Variants in GCN1 observed in about 807,000 individuals in gnomAD.
GCN1 encodes stalled ribosome sensor GCN1.
In GCN1, 90 loss-of-function variants were observed where a neutral mutation model predicts 288.4. The ratio of observed to expected loss-of-function variants is 0.31; its 90% CI spans 0.26 to 0.37. GCN1 has a LOEUF of 0.37. Ranked by LOEUF, GCN1 falls within the 10% of genes least tolerant of loss-of-function variation. The pLI is 1.00. For synonymous variants in GCN1, 1,386 were observed against 1,420.2 expected, an observed-to-expected ratio of 0.98 and a Z score of 0.54; for missense variants, 2,586 against 3,419.9, an observed-to-expected ratio of 0.76 and a Z score of 6.08.
chr12:120,161,747 A>C, intron 21 of GCN1, 133 bp downstream of exon 21: 1 of 980,570 alleles, frequency 1.0e-6, no homozygotes, highest in Non-Finnish European at 1.6e-6. Flanking sequence ...CGTGCCGGGG[A>C]CACAACAGGC....
In GCN1 at chr12:120,134,112, GC is replaced by G. The variant is rs967028249; in HGVS notation, c.7317+178del. ...AATAACCAATATATCCACAATACCT[GC>G]CCCGTTTCCCTTGAAACCCGAGGAA... is the stretch of plus-strand genomic sequence containing the variant. On this transcript the variant is annotated intron_variant, in intron 53 of 57. Transcript: ENST00000300648. This position sits in a 1 kb window ranked among gnomAD's most constrained non-coding sequence, Gnocchi z 5.0. Among the ~76,000 whole-genome samples, 1 of 152,130 alleles carries G rather than the reference GC, an allele frequency of 6.6e-6. No homozygotes were observed. The highest frequency in any genetic ancestry group is 2.4e-5 in the African/African-American group (1 of 41,422).
At position 120,153,703 on chromosome 12, in the gene GCN1, C is replaced by T; in HGVS notation, c.3867+41G>A. On this transcript the variant is annotated intron_variant, in intron 32 of 57. Transcript: ENST00000300648. The surrounding 1 kb of genome is among the most constrained non-coding windows in gnomAD (Gnocchi z 4.4). ...TGTCTCCTTAGCGGGCTGGGACCCC[C>T]TTACCTTCCCGTGGGTGTTCCCTGG... The T allele has an allele frequency of 6.3e-7, 1 of 1,597,412 alleles. No individual in the cohort carries two copies. Among genetic ancestry groups the T allele is most frequent in the South Asian group, 1.1e-5 (1 of 89,482 alleles).
chr12:120,168,355 G>A, intron 15 of GCN1, 55 bp from the exon 16 acceptor site: 6 of 1,057,334 alleles, frequency 5.7e-6, no homozygotes, highest in Non-Finnish European at 7.4e-6. Flanking sequence ...CCCCAGAGCT[G>A]ATCTACTCCA....
chr12:120,174,008 CTG>C (rs746725602), intron 13 of GCN1, 61 bp downstream of exon 13: 7 of 1,133,104 alleles, frequency 6.2e-6, no homozygotes, highest in Non-Finnish European at 9.3e-6. Context: ...AAAGCTCCAA[CTG>C]TGAAAAACCA....
intron 22 of GCN1, 144 bp downstream of exon 22, chr12:120,161,346 C>G: frequency 1.6e-6 from 1 of 642,562 alleles, no homozygotes; most frequent in Non-Finnish European, 2.8e-6. Flanking sequence ...GCCAGTGCAC[C>G]AGACACTGGT....
At position 120,174,151 on chromosome 12, in the gene GCN1, T is replaced by C. The variant is rs1300337713; in HGVS notation, c.1112A>G (p.His371Arg). ...SVLSGIGSVS[H>R]HVVSGPSSQV... The stretch of plus-strand genomic sequence containing the variant: ...ACTGGAAGGTCCAGACACCACGTGA[T>C]GACTGACGCTCCCAATCCCTAAAAG... The change falls in exon 13 of 58, where the codon CAT (histidine) becomes CGT (arginine). Residue 371 changes from histidine (H) to arginine (R), a missense_variant. Physicochemically the swap from His to Arg is conservative, Grantham distance 29 (BLOSUM62 0). Around this residue, in one of 8 missense-constraint regions of GCN1, gnomAD observed 913 missense variants for 1,107.0 expected, o/e 0.82. Coordinates refer to ENST00000300648, the MANE Select transcript of GCN1 (RefSeq NM_006836.2). 1 of 1,597,036 alleles carries C rather than the reference T, an allele frequency of 6.3e-7. No individual in the cohort carries two copies. The highest frequency in any genetic ancestry group is 1.7e-5 in the Admixed American group (1 of 59,988).
Position 120,190,386 on chromosome 12 carries a change from T to C in GCN1, c.33A>G (p.Leu11=), listed in dbSNP as rs1248155980. The C allele has an allele frequency of 1.6e-5, 26 of 1,600,514 alleles. No homozygotes were observed. The highest frequency in any genetic ancestry group is 2.1e-5 in the Non-Finnish European group (25 of 1,167,770). The change falls in exon 2 of 58, where the codon CTA becomes CTG. Residue 11 remains leucine, a synonymous_variant. Coordinates refer to ENST00000300648, the MANE Select transcript of GCN1 (RefSeq NM_006836.2). ...TTGTCACCTTCCCTGCAAAACGCTT[T>C]AGTGTCTCGGAAACCTGTGAAGGCC... MAADTQVSET[L]KRFAGKVTTA...
At chr12:120,130,887 T>A in intron 55 of GCN1, 134 bp from the exon 56 acceptor site, 1 of 626,012 alleles carries the variant, frequency 1.6e-6, no homozygotes, top group Non-Finnish European at 2.8e-6. Flanking sequence ...ATGACAGCTC[T>A]CAGGCAGGCT....
At chr12:120,131,456 A>G (rs1406467881) in intron 54 of GCN1, 123 bp from the exon 55 acceptor site, 2 of 901,404 alleles carry the variant, frequency 2.2e-6, no homozygotes, top group African/African-American at 1.7e-5. Context: ...GGAAAACTCC[A>G]GGCCACATTC....
At chr12:120,131,394 GA>G in intron 54 of GCN1, 61 bp from the exon 55 acceptor site, 4 of 1,553,734 alleles carry the variant, frequency 2.6e-6, no homozygotes, top group Non-Finnish European at 3.5e-6. Context: ...CAGCACCCAT[GA>G]GGCCCATGGG....
intron 31 of GCN1, 119 bp from the exon 32 acceptor site, chr12:120,154,028 G>A: frequency 1.3e-6 from 1 of 788,288 alleles, no homozygotes; most frequent in South Asian, 1.8e-5. Context: ...CTGTTTTGGG[G>A]GCAGAGAACA....
intron 53 of GCN1, among the ~76,000 whole-genome samples, chr12:120,133,548 T>C (rs1876899833): frequency 6.6e-6 from 1 of 152,028 alleles, no homozygotes; most frequent in East Asian, 1.9e-4. Context: ...CTGGAGACCA[T>C]TTATCCCACT....
chr12:120,188,105 C>T (rs1878879271), intron 2 of GCN1, among the ~76,000 whole-genome samples: 1 of 152,112 alleles, frequency 6.6e-6, no homozygotes, highest in Admixed American at 6.6e-5. Flanking sequence ...AAAGTGAAAA[C>T]ACCTTGTTGC....
rs748108421 is a variant in GCN1 at position 120,136,459 on chromosome 12, A to T, written c.7008+43T>A. 3 of 1,452,980 alleles carry T rather than the reference A, an allele frequency of 2.1e-6. No homozygotes were observed. The Admixed American group carries it at 5.0e-5, about 24-fold the overall frequency. The allele number at this position is 1,452,980 out of a possible 1,614,324, so 90.0% of individuals were successfully genotyped here. A position where few individuals can be genotyped will look rare whatever the true frequency, so the allele number is the denominator to read the frequency against. ...CACCTTGTATCAGGCTCCTGCAGAC[A>T]GACCTGTTCTCTAAGATCTGAACAA... On this transcript the variant is annotated intron_variant, in intron 51 of 57. Transcript: ENST00000300648.
Position 120,170,215 on chromosome 12 carries a change from G to A in GCN1, c.1473C>T (p.Ala491=), listed in dbSNP as rs200880565. 53 of 1,614,076 alleles carry A rather than the reference G, an allele frequency of 3.3e-5. No homozygotes were observed. Among genetic ancestry groups the A allele is most frequent in the Non-Finnish European group, 4.4e-5 (52 of 1,179,972 alleles). ...TQVPTITEGV[A]AALLLLKLSV... Reference sequence around the variant, plus strand: ...ACAACTTTAAGAGCAACAAGGCTGCGGCAACCCCTTCAGTGATGGTGGGAA... The same window carrying A: ...ACAACTTTAAGAGCAACAAGGCTGCAGCAACCCCTTCAGTGATGGTGGGAA... The change falls in exon 15 of 58, where the codon GCC becomes GCT. Residue 491 remains alanine, a synonymous_variant. Transcript: ENST00000300648.
intron 14 of GCN1, among the ~76,000 whole-genome samples, chr12:120,170,558 C>G (rs1878282948): frequency 6.6e-6 from 1 of 152,122 alleles, no homozygotes; most frequent in Non-Finnish European, 1.5e-5. Context: ...TCTGTAATCC[C>G]AGCACTTTGG....
rs968288683 is a variant in GCN1 at position 120,156,470 on chromosome 12, G to A, written c.3303C>T (p.Thr1101=). The A allele has an allele frequency of 5.0e-6, 8 of 1,613,760 alleles. No homozygotes were observed. Among genetic ancestry groups the A allele is most frequent in the South Asian group, 3.3e-5 (3 of 91,058 alleles). Residue 1101 remains threonine (T), a synonymous_variant, in exon 28 of 58, where the codon ACC becomes ACT. Transcript: ENST00000300648. The surrounding 1 kb of genome is among the most constrained non-coding windows in gnomAD (Gnocchi z 5.8). ...LQSPCASVRE[T]VLRGLMELHM... is the part of the protein sequence containing the mutation. The stretch of plus-strand genomic sequence containing the variant: ...GAGACTGAGCACACACCCGGAGCAC[G>A]GTTTCCCGCACGCTGGCACACGGGG...
intron 35 of GCN1, 28 bp downstream of exon 35, chr12:120,149,894 T>C: frequency 6.2e-7 from 1 of 1,613,964 alleles, no homozygotes; most frequent in Non-Finnish European, 8.5e-7. Flanking sequence ...GTTTCCATGC[T>C]GTTCTCCCGA....
At position 120,144,497 on chromosome 12, in the gene GCN1, C is replaced by T. The variant is rs1253403125; in HGVS notation, c.5353-49G>A. 3.1e-6 allele frequency: 5 copies of T among 1,588,984 alleles called. No individual in the cohort carries two copies. Among genetic ancestry groups the T allele is most frequent in the Non-Finnish European group, 4.3e-6 (5 of 1,166,854 alleles). ...GCCAGAGCTGCCACCCCCAGGCCCC[C>T]AGCCCAAAAAACATGGGGCTCACTG... On this transcript the variant is annotated intron_variant, in intron 41 of 57. Transcript: ENST00000300648. The surrounding 1 kb of genome is among the most constrained non-coding windows in gnomAD (Gnocchi z 4.7).
Sources: gnomAD v4.1 joint callset for allele counts (sites outside exome capture counted in the v4.1 genomes callset) on GRCh38, gnomAD v4.1.1 for gene constraint, gnomAD v4.1.1 regional missense constraint, Gnocchi (gnomAD v3.1) non-coding constraint, MANE v1.5 for transcripts, NCBI Gene and HGNC (gene_info 2026-07-23, HGNC 2026-07-21) for gene names.